SWI5: variants seen among roughly 807,000 people sequenced by gnomAD.
SWI5 encodes the protein DNA repair protein SWI5 homolog.
Under a neutral mutation model 17.0 loss-of-function variants are expected in SWI5, and 12 were observed. The ratio of observed to expected loss-of-function variants is 0.71; its 90% CI spans 0.45 to 1.14. SWI5 has a LOEUF of 1.14. SWI5 is among the 50% of genes most tolerant of loss of function. The pLI, the probability that SWI5 is intolerant of heterozygous loss-of-function variation, is 0.00. For missense variants in SWI5, 158 were observed against 162.2 expected (o/e 0.97, Z 0.14); for synonymous variants, 61 against 64.0 (o/e 0.95, Z 0.22).
chr9:128,281,862 C>T lies in SWI5; in HGVS notation c.112-2648C>T, dbSNP rs1042254967. Reference sequence around the variant, plus strand: ...CCAAGGTGTGAGGATTGCTCCAGCCCAGGGTTTGAGAACAAACTGGGTGAC... The same window carrying T: ...CCAAGGTGTGAGGATTGCTCCAGCCTAGGGTTTGAGAACAAACTGGGTGAC... On this transcript the variant is annotated intron_variant, in intron 2 of 4. Transcript: ENST00000418976. Among the ~76,000 whole-genome samples, 4 of 152,220 alleles carry T rather than the reference C, an allele frequency of 2.6e-5. No homozygotes were observed. The South Asian group carries it at 6.2e-4, about 24-fold the overall frequency.
At chr9:128,278,934 G>A (rs7047845) in intron 2 of SWI5, among the ~76,000 whole-genome samples, 6,398 of 149,392 alleles carry the variant, frequency 0.043, 455 homozygotes, top group African/African-American at 0.15. Context: ...CACCATGCCC[G>A]GCTAATTTTT....
Position 128,285,023 on chromosome 9 carries a change from C to T in SWI5, c.233+392C>T, listed in dbSNP as rs1238833522. On this transcript the variant is annotated intron_variant, in intron 3 of 4. Coordinates refer to ENST00000418976, the Ensembl canonical transcript of SWI5. The surrounding 1 kb of genome is among the most constrained non-coding windows in gnomAD (Gnocchi z 4.8). ...GCCCAGTAACTGAAAAACCCAGTCG[C>T]ACTGGCCTAGCATAGAAATACGACT... Among the ~76,000 whole-genome samples the T allele has an allele frequency of 1.3e-5, 2 of 149,250 alleles. No individual in the cohort carries two copies. The highest frequency in any genetic ancestry group is 3.0e-5 in the Non-Finnish European group (2 of 67,746).
chr9:128,282,298 A>G (rs1831552553), intron 2 of SWI5, among the ~76,000 whole-genome samples: 1 of 152,100 alleles, frequency 6.6e-6, no homozygotes, highest in South Asian at 2.1e-4. Flanking sequence ...GAGGCAGGAA[A>G]ATCGCTTGAA....
chr9:128,276,232 C>T (rs763714056), upstream of SWI5: 13 of 1,612,006 alleles, frequency 8.1e-6, no homozygotes, highest in South Asian at 7.7e-5. Context: ...GGGAGAGGGG[C>T]GGGGCCGGCT....
chr9:128,288,594 G>A (rs1230953245), intron 4 of SWI5, 58 bp from the exon 5 acceptor site: 2 of 1,593,232 alleles, frequency 1.3e-6, no homozygotes, highest in Admixed American at 1.7e-5. Context: ...CGGGGCATTG[G>A]CTGTACTCCC....
chr9:128,277,253 T>G (rs1393104929), intron 2 of SWI5, among the ~76,000 whole-genome samples: 6 of 152,064 alleles, frequency 3.9e-5, no homozygotes, highest in African/African-American at 1.4e-4. Flanking sequence ...ACCACCACTC[T>G]TAAGGTAGAT....
chr9:128,275,755 CTT>C, upstream of SWI5: 1 of 594,048 alleles, frequency 1.7e-6, no homozygotes, highest in South Asian at 2.2e-5. Flanking sequence ...GCTGACAAGA[CTT>C]TGGTGGAGGG....
At chr9:128,278,893 C>A (rs1004547730) in intron 2 of SWI5, among the ~76,000 whole-genome samples, 1 of 152,118 alleles carries the variant, frequency 6.6e-6, no homozygotes, top group Non-Finnish European at 1.5e-5. Flanking sequence ...CAGCCTCAGC[C>A]TCCCTAGTAG....
At chr9:128,286,065 G>A in intron 4 of SWI5, 32 bp downstream of exon 4, 1 of 1,517,924 alleles carries the variant, frequency 6.6e-7, no homozygotes. Flanking sequence ...GCCACAAGCA[G>A]GCATCATAGG....
At chr9:128,275,982 C>G, upstream of SWI5, 2 of 1,599,230 alleles carry the variant, frequency 1.3e-6, no homozygotes, top group Non-Finnish European at 1.7e-6. Flanking sequence ...CACATCAGCG[C>G]GATCCCGGCA....
intron 2 of SWI5, among the ~76,000 whole-genome samples, chr9:128,277,991 C>T (rs962684757): frequency 4.3e-5 from 6 of 139,036 alleles, no homozygotes; most frequent in Admixed American, 7.6e-5. Context: ...CGCACTCTGT[C>T]GCCCGGGCTG....
chr9:128,285,664 G>C lies in SWI5; in HGVS notation c.234-275G>C, dbSNP rs563408051. Among the ~76,000 whole-genome samples the C allele has an allele frequency of 6.6e-6, 1 of 152,176 alleles. No individual in the cohort carries two copies. The highest frequency in any genetic ancestry group is 1.5e-5 in the Non-Finnish European group (1 of 68,032). On this transcript the variant is annotated intron_variant, in intron 3 of 4. Coordinates refer to ENST00000418976, the Ensembl canonical transcript of SWI5. This position sits in a 1 kb window ranked among gnomAD's most constrained non-coding sequence, Gnocchi z 4.8. ...CTGTTTGGATCATGCGCCCATCTGC[G>C]AGTCCCTCAGCTGTGGCCAGGGTCA... is the stretch of plus-strand genomic sequence containing the variant.
At chr9:128,275,596 C>A, upstream of SWI5, 2 of 970,782 alleles carry the variant, frequency 2.1e-6, no homozygotes, top group Non-Finnish European at 2.8e-6. Context: ...TCCTTGGAGA[C>A]GCCAGCCCAA....
intron 2 of SWI5, among the ~76,000 whole-genome samples, chr9:128,277,328 G>A (rs1451452863): frequency 6.6e-6 from 1 of 152,082 alleles, no homozygotes. Context: ...GAGGCGGGCA[G>A]ATCATTTGAG....
intron 4 of SWI5, among the ~76,000 whole-genome samples, chr9:128,288,260 T>A (rs966541592): frequency 1.3e-5 from 2 of 152,140 alleles, no homozygotes; most frequent in Non-Finnish European, 2.9e-5. Flanking sequence ...CTGAGGAGTC[T>A]GGAATGTTCA....
At chr9:128,288,280 G>A (rs1476212858) in intron 4 of SWI5, among the ~76,000 whole-genome samples, 3 of 152,188 alleles carry the variant, frequency 2.0e-5, no homozygotes, top group Admixed American at 2.0e-4. Flanking sequence ...AGCAGGCACA[G>A]CATACAATCA....
rs1053648644 is a variant in SWI5 at position 128,285,204 on chromosome 9, G to A, written c.233+573G>A. The stretch of plus-strand genomic sequence containing the variant: ...GGCGAGAGGGAGAGAGAGAGGAGAG[G>A]AAAGAAAAAGGAAGGAAGGAAAGAA... On this transcript the variant is annotated intron_variant, in intron 3 of 4. Transcript: ENST00000418976. The surrounding 1 kb of genome is among the most constrained non-coding windows in gnomAD (Gnocchi z 4.8). Among the ~76,000 whole-genome samples the A allele has an allele frequency of 6.7e-6, 1 of 149,874 alleles. No individual in the cohort carries two copies. Among genetic ancestry groups the A allele is most frequent in the African/African-American group, 2.5e-5 (1 of 40,694 alleles).
intron 2 of SWI5, among the ~76,000 whole-genome samples, chr9:128,281,841 G>A (rs1202762855): frequency 6.6e-6 from 1 of 152,234 alleles, no homozygotes; most frequent in Admixed American, 6.5e-5. Context: ...GGGAGGCCAA[G>A]GTGTGAGGAT....
chr9:128,280,841 A>G (rs182142654), intron 2 of SWI5, among the ~76,000 whole-genome samples: 248 of 151,864 alleles, frequency 1.6e-3, no homozygotes, highest in Non-Finnish European at 2.8e-3. Flanking sequence ...TCACACCACT[A>G]TCCCCTCACT....
Sources: gnomAD v4.1 joint callset for allele counts (sites outside exome capture counted in the v4.1 genomes callset) on GRCh38, gnomAD v4.1.1 for gene constraint, Gnocchi (gnomAD v3.1) non-coding constraint, MANE v1.5 for transcripts, NCBI Gene and HGNC (gene_info 2026-07-23, HGNC 2026-07-21) for gene names.